CHL1: variants seen among roughly 807,000 people sequenced by gnomAD.
CHL1 encodes neural cell adhesion molecule L1-like protein.
A neutral mutation model predicts 141.9 loss-of-function variants in CHL1; 96 were observed. The observed-to-expected ratio is 0.68, with a 90% CI of 0.57 to 0.80. CHL1 has a LOEUF of 0.80. CHL1 is among the 30% of genes least tolerant of loss of function. The probability of loss-of-function intolerance (pLI) is 0.00; values close to 1 mark genes in which losing one functional copy is unlikely to be tolerated. For missense variants in CHL1, 1,820 were observed against 1,457.2 expected (o/e 1.25, Z -4.05); for synonymous variants, 613 against 502.2 (o/e 1.22, Z -2.95).
At chr3:294,136 T>C (rs1306393596) in intron 2 of CHL1, among the ~76,000 whole-genome samples, 1 of 151,808 alleles carries the variant, frequency 6.6e-6, no homozygotes, top group Non-Finnish European at 1.5e-5. Flanking sequence ...CTGGGCAACA[T>C]GACGAAACCC....
chr3:257,639 A>G (rs567101824), intron 2 of CHL1, among the ~76,000 whole-genome samples: 243 of 152,280 alleles, frequency 1.6e-3, no homozygotes, highest in Non-Finnish European at 3.0e-3. Context: ...AGTGTGAGCC[A>G]CTGTGCCTGG....
At chr3:218,540 T>A (rs879709600) in intron 1 of CHL1, among the ~76,000 whole-genome samples, 2 of 152,158 alleles carry the variant, frequency 1.3e-5, no homozygotes, top group Non-Finnish European at 2.9e-5. Context: ...GAAAATAAAT[T>A]ATGTTGACTT....
At chr3:282,552 T>C (rs1213286380) in intron 2 of CHL1, 5 of 152,242 alleles carry the variant, frequency 3.3e-5, no homozygotes, top group Non-Finnish European at 7.3e-5. Context: ...TCTCAGTTTC[T>C]GTTTATCCAA....
At chr3:380,531 A>G (rs971334017) in intron 16 of CHL1, among the ~76,000 whole-genome samples, 1 of 152,244 alleles carries the variant, frequency 6.6e-6, no homozygotes, top group African/African-American at 2.4e-5. Context: ...TCAAAGTACC[A>G]GAAATTTTCA....
At chr3:382,332 T>C (rs1243578237) in intron 17 of CHL1, 52 bp downstream of exon 17, 5 of 1,534,000 alleles carry the variant, frequency 3.3e-6, no homozygotes, top group Admixed American at 1.7e-5. Context: ...TCAAAATTAA[T>C]AGCGAAGTCA....
At position 391,810 on chromosome 3, in the gene CHL1, T is replaced by C. The variant is rs776181778; in HGVS notation, c.2914+13T>C. The C allele has an allele frequency of 3.8e-6, 6 of 1,574,440 alleles. No individual in the cohort carries two copies. The highest frequency in any genetic ancestry group is 5.2e-6 in the Non-Finnish European group (6 of 1,159,924). ...CAATATCAGATAAGTAAGTAGAAAT[T>C]TGAATTGGAGTTAACTTGTTAATGT... On this transcript the variant is annotated intron_variant, in intron 23 of 27. Transcript: ENST00000256509.
chr3:399,457 T>C lies in CHL1; in HGVS notation c.3385+309T>C, dbSNP rs578156106. On this transcript the variant is annotated intron_variant, in intron 26 of 27. Transcript: ENST00000256509. Reference sequence around the variant, plus strand: ...GAGATCGAGACCATCCTGGCCAACATGATGAAACCCCGTCTCTACTAAAAA... The same window carrying C: ...GAGATCGAGACCATCCTGGCCAACACGATGAAACCCCGTCTCTACTAAAAA... Among the ~76,000 whole-genome samples the C allele has an allele frequency of 4.0e-4, 61 of 152,080 alleles. No homozygotes were observed. In the East Asian group the frequency reaches 4.1e-3, roughly 10 times the overall value.
chr3:400,570 A>G (rs1709041198), intron 26 of CHL1, among the ~76,000 whole-genome samples: 1 of 131,554 alleles, frequency 7.6e-6, no homozygotes. Context: ...CAGGAAGAAC[A>G]ATTTGTATTT....
intron 1 of CHL1, among the ~76,000 whole-genome samples, chr3:239,116 G>A (rs1381093374): frequency 6.6e-6 from 1 of 152,038 alleles, no homozygotes; most frequent in Non-Finnish European, 1.5e-5. Context: ...GGGGGAACCC[G>A]GAGACTGATC....
chr3:368,737 TAA>T (rs947398447), intron 15 of CHL1, among the ~76,000 whole-genome samples: 3 of 152,204 alleles, frequency 2.0e-5, no homozygotes, highest in Admixed American at 1.3e-4. Context: ...GTTTTATATT[TAA>T]GTCTTTAATT....
intron 2 of CHL1, among the ~76,000 whole-genome samples, chr3:318,613 G>T (rs938886348): frequency 6.6e-6 from 1 of 151,302 alleles, no homozygotes; most frequent in Admixed American, 6.6e-5. Context: ...ACTTTGAAAT[G>T]AATAAATATT....
chr3:314,636 G>A (rs549287150), intron 2 of CHL1, among the ~76,000 whole-genome samples: 1 of 151,988 alleles, frequency 6.6e-6, no homozygotes, highest in Admixed American at 6.6e-5. Flanking sequence ...TTTACGTTTA[G>A]TGGCTGGCTG....
chr3:200,469 C>G (rs571391055), intron 1 of CHL1, among the ~76,000 whole-genome samples: 3 of 152,190 alleles, frequency 2.0e-5, no homozygotes, highest in African/African-American at 7.2e-5. Context: ...TTTTTTCAAA[C>G]CAAGATTGAG....
chr3:250,548 G>T (rs1219673207), intron 2 of CHL1, among the ~76,000 whole-genome samples: 2 of 152,018 alleles, frequency 1.3e-5, no homozygotes, highest in Non-Finnish European at 2.9e-5. Context: ...TTGTCCTCCT[G>T]GTACAGCAGT....
intron 9 of CHL1, among the ~76,000 whole-genome samples, chr3:347,396 G>A (rs754075332): frequency 6.6e-6 from 1 of 152,052 alleles, no homozygotes; most frequent in Admixed American, 6.5e-5. Context: ...TTTAAAAAAA[G>A]GCAGGAGGTA....
At chr3:212,273 A>T (rs1382203398) in intron 1 of CHL1, among the ~76,000 whole-genome samples, 1 of 152,104 alleles carries the variant, frequency 6.6e-6, no homozygotes. Flanking sequence ...ATTTTTATAT[A>T]GCATAATACA....
intron 1 of CHL1, among the ~76,000 whole-genome samples, chr3:207,905 A>C (rs1362929575): frequency 1.3e-5 from 2 of 152,190 alleles, no homozygotes; most frequent in Non-Finnish European, 2.9e-5. Flanking sequence ...AGGACCAAGC[A>C]CTGAGCAATT....
At chr3:381,950 C>T (rs1011118666) in intron 16 of CHL1, among the ~76,000 whole-genome samples, 1 of 150,676 alleles carries the variant, frequency 6.6e-6, no homozygotes, top group Non-Finnish European at 1.5e-5. Flanking sequence ...CTACTATTAC[C>T]TCCGTTCTTA....
At chr3:204,783 C>T (rs1236165755) in intron 1 of CHL1, among the ~76,000 whole-genome samples, 1 of 115,698 alleles carries the variant, frequency 8.6e-6, no homozygotes, top group Non-Finnish European at 1.8e-5. Flanking sequence ...CAGAAGATTG[C>T]CTCTGAAGAT....
Sources: allele counts gnomAD v4.1 joint callset (sites outside exome capture counted in the v4.1 genomes callset), GRCh38; gene constraint gnomAD v4.1.1; transcripts MANE v1.5; gene names NCBI Gene and HGNC (gene_info 2026-07-23, HGNC 2026-07-21).